Variants in SFXN5 observed in about 807,000 individuals in gnomAD.
SFXN5 encodes sideroflexin 5, also known as sideroflexin-5.
A neutral mutation model predicts 50.2 loss-of-function variants in SFXN5; 43 were observed. The ratio of observed to expected loss-of-function variants is 0.86; its 90% CI spans 0.67 to 1.11. The LOEUF is 1.11. Ranked by LOEUF, SFXN5 falls within the 50% of genes least tolerant of loss-of-function variation. The pLI is 0.00. For missense variants in SFXN5, 463 were observed against 454.1 expected (o/e 1.02, Z -0.18); for synonymous variants, 203 against 185.8 (o/e 1.09, Z -0.75).
At chr2:72,959,412 C>T (rs1320472645) in intron 13 of SFXN5, among the ~76,000 whole-genome samples, 6 of 152,220 alleles carry the variant, frequency 3.9e-5, no homozygotes, top group Non-Finnish European at 8.8e-5. Context: ...TGAACAGGCC[C>T]GGCTGCACTC....
Position 72,992,007 on chromosome 2 carries a change from G to A in SFXN5, c.535-3659C>T, listed in dbSNP as rs937782224. On this transcript the variant is annotated intron_variant, in intron 9 of 13. Transcript: ENST00000272433. This position sits in a 1 kb window ranked among gnomAD's most constrained non-coding sequence, Gnocchi z 4.5. The stretch of plus-strand genomic sequence containing the variant: ...TAGATGGGGAAAACAAACAGGGTGT[G>A]GATTTTGCACAAGAATTTCTTATAT... 6.6e-6 allele frequency among the ~76,000 whole-genome samples: 1 copy of A among 152,172 alleles called. No homozygotes were observed. Among genetic ancestry groups the A allele is most frequent in the South Asian group, 2.1e-4 (1 of 4,828 alleles).
At chr2:73,013,899 G>A (rs771601223) in intron 6 of SFXN5, among the ~76,000 whole-genome samples, 9 of 152,054 alleles carry the variant, frequency 5.9e-5, no homozygotes, top group African/African-American at 1.7e-4. Context: ...TCACGAAGCC[G>A]GTGCTTATTG....
At chr2:73,005,319 G>A (rs1407923751) in intron 6 of SFXN5, among the ~76,000 whole-genome samples, 1 of 152,204 alleles carries the variant, frequency 6.6e-6, no homozygotes, top group African/African-American at 2.4e-5. Flanking sequence ...ACATCCGTCT[G>A]TACCTTTGCT....
intron 13 of SFXN5, among the ~76,000 whole-genome samples, chr2:72,956,495 G>A (rs758885063): frequency 1.3e-5 from 2 of 152,142 alleles, no homozygotes; most frequent in African/African-American, 2.4e-5. Flanking sequence ...GCCCAGAAGT[G>A]GGCCTCCTCT....
chr2:73,036,770 T>G (rs926689966), intron 3 of SFXN5, among the ~76,000 whole-genome samples: 1 of 152,142 alleles, frequency 6.6e-6, no homozygotes, highest in Non-Finnish European at 1.5e-5. Flanking sequence ...CTCACAGGTC[T>G]CAGAAGAACA....
intron 12 of SFXN5, among the ~76,000 whole-genome samples, chr2:72,963,985 G>A (rs557600928): frequency 2.6e-5 from 4 of 152,284 alleles, no homozygotes; most frequent in African/African-American, 4.8e-5. Context: ...GGGGATGGAC[G>A]CTCCTCTGCT....
chr2:72,997,401 T>C (rs1673376231), intron 9 of SFXN5: 1 of 152,220 alleles, frequency 6.6e-6, no homozygotes, highest in African/African-American at 2.4e-5. Context: ...GGTTATTGTA[T>C]GTGAATTCTT....
intron 1 of SFXN5, among the ~76,000 whole-genome samples, chr2:73,067,105 T>C (rs1355330868): frequency 1.3e-5 from 2 of 152,128 alleles, no homozygotes; most frequent in East Asian, 3.8e-4. Context: ...ATGGTTATGT[T>C]AAACAAATCA....
chr2:73,024,177 C>A (rs1198982973), intron 3 of SFXN5, among the ~76,000 whole-genome samples: 1 of 152,006 alleles, frequency 6.6e-6, no homozygotes, highest in East Asian at 1.9e-4. Flanking sequence ...GCGCGCACCA[C>A]CATGCCCAGC....
intron 9 of SFXN5, among the ~76,000 whole-genome samples, chr2:72,994,605 G>A (rs556015532): frequency 6.6e-6 from 1 of 152,216 alleles, no homozygotes; most frequent in African/African-American, 2.4e-5. Flanking sequence ...TGGTCCCACA[G>A]CACTTCATCC....
chr2:73,046,025 A>G (rs1680272202), intron 2 of SFXN5, among the ~76,000 whole-genome samples: 2 of 152,160 alleles, frequency 1.3e-5, no homozygotes, highest in South Asian at 4.1e-4. Flanking sequence ...TCCCTTCAGA[A>G]AAGAAACCGA....
At chr2:73,006,459 T>C (rs1347794162) in intron 6 of SFXN5, among the ~76,000 whole-genome samples, 1 of 151,948 alleles carries the variant, frequency 6.6e-6, no homozygotes, top group Non-Finnish European at 1.5e-5. Context: ...CCATCTCTAG[T>C]AAAAATGCAA....
At chr2:73,030,335 C>G (rs1678145252) in intron 3 of SFXN5, among the ~76,000 whole-genome samples, 1 of 152,012 alleles carries the variant, frequency 6.6e-6, no homozygotes, top group South Asian at 2.1e-4. Context: ...GACCAAAACC[C>G]TTGAATGAAT....
chr2:73,047,047 A>C (rs1050585018), intron 2 of SFXN5, among the ~76,000 whole-genome samples: 8 of 149,900 alleles, frequency 5.3e-5, no homozygotes, highest in African/African-American at 2.0e-4. Context: ...CAACATGGTG[A>C]AACTCCATCT....
chr2:73,004,255 C>T lies in SFXN5; in HGVS notation c.358-2677G>A, dbSNP rs146676057. 1.4e-3 allele frequency among the ~76,000 whole-genome samples: 204 copies of T among 150,238 alleles called. 1 individual carries two copies. The highest frequency in any genetic ancestry group is 4.6e-3 in the African/African-American group (188 of 40,922). On this transcript the variant is annotated intron_variant, in intron 6 of 13. Transcript: ENST00000272433. ...ATCCATTTATGAGGAGCTGCTTCTA[C>T]GTACCAAGTTCCTTGCTGCTCCCAA... is the stretch of plus-strand genomic sequence containing the variant.
chr2:73,031,315 G>A (rs908864475), intron 3 of SFXN5, among the ~76,000 whole-genome samples: 3 of 152,210 alleles, frequency 2.0e-5, no homozygotes, highest in African/African-American at 7.2e-5. Context: ...CCAGTGCAAG[G>A]ATGTGGCTGC....
At position 73,050,388 on chromosome 2, in the gene SFXN5, G is replaced by GCGCGCGCACACACACACACA; in HGVS notation, c.171+8139_171+8140insTGTGTGTGTGTGTGCGCGCG. 2.7e-3 allele frequency among the ~76,000 whole-genome samples: 389 copies of GCGCGCGCACACACACACACA among 143,896 alleles called. 2 individuals carry two copies. The highest frequency in any genetic ancestry group is 8.0e-3 in the African/African-American group (288 of 36,214). 94.4% of individuals were successfully genotyped at this position (143,896 alleles called of 152,430 possible). A position where few individuals can be genotyped will look rare whatever the true frequency, so the allele number is the denominator to read the frequency against. On this transcript the variant is annotated intron_variant, in intron 2 of 13. Coordinates refer to ENST00000272433, the MANE Select transcript of SFXN5 (RefSeq NM_144579.3). ...GTGGAGGTAGCGCCGCAGCCACAGC[G>GCGCGCGCACACACACACACA]CACGCACACACACACACACACACAC...
intron 6 of SFXN5, among the ~76,000 whole-genome samples, chr2:73,009,636 T>C (rs1404897325): frequency 6.6e-6 from 1 of 152,202 alleles, no homozygotes. Context: ...CACAGGATCT[T>C]GGGGGCCAGG....
chr2:73,017,515 C>T (rs766011112), intron 6 of SFXN5, among the ~76,000 whole-genome samples: 8 of 152,094 alleles, frequency 5.3e-5, no homozygotes, highest in Non-Finnish European at 7.3e-5. Flanking sequence ...AGGATACTTT[C>T]TAAGGACAAA....
Sources: allele counts gnomAD v4.1 joint callset (sites outside exome capture counted in the v4.1 genomes callset), GRCh38; gene constraint gnomAD v4.1.1; non-coding constraint Gnocchi (gnomAD v3.1); transcripts MANE v1.5; gene names NCBI Gene and HGNC (gene_info 2026-07-23, HGNC 2026-07-21).